The following PLCB4 variants were observed in gnomAD, a reference collection of about 807,000 sequenced individuals.
PLCB4 encodes the protein phospholipase C beta 4, also known as 1-phosphatidylinositol 4,5-bisphosphate phosphodiesterase beta-4.
In PLCB4, 77 loss-of-function variants were observed where a neutral mutation model predicts 178.8. The ratio of observed to expected loss-of-function variants is 0.43; its 90% CI spans 0.36 to 0.52. The LOEUF is 0.52. PLCB4 is among the 20% of genes least tolerant of loss of function. The pLI is 0.00. For missense variants in PLCB4, 1,024 were observed against 1,453.4 expected (o/e 0.70, Z 4.80); for synonymous variants, 496 against 490.8 (o/e 1.01, Z -0.14).
intron 3 of PLCB4, among the ~76,000 whole-genome samples, chr20:9,268,970 G>T (rs777085494): frequency 2.6e-5 from 4 of 152,184 alleles, no homozygotes; most frequent in Non-Finnish European, 5.9e-5. Flanking sequence ...GGCACTGCTT[G>T]TTTTAGCCAT....
chr20:9,353,495 A>G (rs1194633556), intron 7 of PLCB4, among the ~76,000 whole-genome samples: 3 of 152,186 alleles, frequency 2.0e-5, no homozygotes, highest in African/African-American at 7.2e-5. Context: ...TTACTTCTTA[A>G]CATGATTTAG....
intron 27 of PLCB4, 61 bp from the exon 28 acceptor site, chr20:9,423,687 A>T: frequency 7.7e-7 from 1 of 1,300,654 alleles, no homozygotes; most frequent in Non-Finnish European, 1.1e-6. Flanking sequence ...CACACTCCTT[A>T]GAGTCATGGT....
Position 9,480,411 on chromosome 20 carries a change from A to G in PLCB4, c.*1402A>G, listed in dbSNP as rs1171480254. ...TGTTCCTCTGAACAAAGCGGAGAAA[A>G]TGATGATACCATCAATATTGAAATT... On this transcript the variant is annotated 3_prime_UTR_variant, in exon 40 of 40. Transcript: ENST00000378473. 3 of 152,626 alleles carry G rather than the reference A, an allele frequency of 2.0e-5. No individual in the cohort carries two copies. In the South Asian group the frequency reaches 6.2e-4, roughly 32 times the overall value. The allele number at this position is 152,626 out of a possible 1,614,324, so 9.5% of individuals were successfully genotyped here. A position where few individuals can be genotyped will look rare whatever the true frequency, so the allele number is the denominator to read the frequency against.
chr20:9,196,515 T>C (rs940493895), intron 2 of PLCB4, among the ~76,000 whole-genome samples: 1 of 152,138 alleles, frequency 6.6e-6, no homozygotes, highest in Non-Finnish European at 1.5e-5. Flanking sequence ...CCTAGAGGAA[T>C]AAAGTAGGAA....
At chr20:9,276,907 AGCCTG>A (rs1262350652) in intron 3 of PLCB4, among the ~76,000 whole-genome samples, 1 of 152,072 alleles carries the variant, frequency 6.6e-6, no homozygotes, top group Admixed American at 6.6e-5. Context: ...CCTGCACTCC[AGCCTG>A]GGTGACAGAG....
At chr20:9,204,019 TA>T (rs1391340192) in intron 2 of PLCB4, among the ~76,000 whole-genome samples, 2 of 151,916 alleles carry the variant, frequency 1.3e-5, no homozygotes, top group African/African-American at 4.8e-5. Context: ...TGACTGCCTT[TA>T]GAGGAAAATT....
intron 2 of PLCB4, among the ~76,000 whole-genome samples, chr20:9,141,117 A>G (rs2092481522): frequency 6.6e-6 from 1 of 152,124 alleles, no homozygotes; most frequent in South Asian, 2.1e-4. Flanking sequence ...TGCCTGATTA[A>G]AAGCCAACTT....
intron 1 of PLCB4, among the ~76,000 whole-genome samples, chr20:9,088,029 G>A (rs1436573314): frequency 6.6e-6 from 1 of 152,054 alleles, no homozygotes; most frequent in East Asian, 1.9e-4. Flanking sequence ...CTTCTACTGG[G>A]GCTCTGTTGC....
chr20:9,276,382 G>T (rs944433012), intron 3 of PLCB4, among the ~76,000 whole-genome samples: 3 of 152,038 alleles, frequency 2.0e-5, no homozygotes, highest in Admixed American at 2.0e-4. Context: ...CATGGGCCAG[G>T]ACTCAGGTGT....
chr20:9,470,181 A>T (rs1468265047), intron 36 of PLCB4, among the ~76,000 whole-genome samples: 3 of 152,084 alleles, frequency 2.0e-5, no homozygotes, highest in Admixed American at 6.6e-5. Flanking sequence ...ATACAAAAAA[A>T]TTAGCTGGGT....
At chr20:9,288,585 C>T (rs576444411) in intron 3 of PLCB4, among the ~76,000 whole-genome samples, 3 of 151,828 alleles carry the variant, frequency 2.0e-5, no homozygotes, top group Non-Finnish European at 2.9e-5. Context: ...CTGCTGAAAA[C>T]GAGGGAGTGG....
chr20:9,274,953 A>G (rs905775124), intron 3 of PLCB4, among the ~76,000 whole-genome samples: 3 of 152,100 alleles, frequency 2.0e-5, no homozygotes, highest in African/African-American at 7.2e-5. Flanking sequence ...CATGCTTAAG[A>G]TACTTGAAAA....
intron 2 of PLCB4, among the ~76,000 whole-genome samples, chr20:9,098,163 T>C (rs2090991688): frequency 6.6e-6 from 1 of 152,148 alleles, no homozygotes; most frequent in Non-Finnish European, 1.5e-5. Flanking sequence ...TCAAAGACGA[T>C]ATAGAGAAAC....
intron 1 of PLCB4, among the ~76,000 whole-genome samples, chr20:9,091,467 G>T (rs571781783): frequency 7.2e-5 from 11 of 151,892 alleles, no homozygotes; most frequent in Non-Finnish European, 1.5e-4. Flanking sequence ...TTTTCATAAA[G>T]ACAAAAGTGA....
intron 7 of PLCB4, among the ~76,000 whole-genome samples, 172 bp downstream of exon 7, chr20:9,339,209 A>G (rs149803784): frequency 9.8e-4 from 150 of 152,294 alleles, no homozygotes; most frequent in Non-Finnish European, 1.9e-3. Context: ...CCCTTTTAGC[A>G]TGTCACTCCT....
intron 19 of PLCB4, among the ~76,000 whole-genome samples, chr20:9,397,339 C>T (rs933830402): frequency 3.9e-5 from 6 of 152,168 alleles, no homozygotes; most frequent in African/African-American, 1.4e-4. Context: ...CTCTTTCTAC[C>T]ACCTCTGCAG....
intron 3 of PLCB4, among the ~76,000 whole-genome samples, chr20:9,286,453 A>G (rs1385488788): frequency 6.6e-6 from 1 of 152,020 alleles, no homozygotes; most frequent in Non-Finnish European, 1.5e-5. Flanking sequence ...TTTTACTTCA[A>G]TGTTTACATC....
At chr20:9,408,752 C>T (rs1326950418) in intron 23 of PLCB4, 35 bp downstream of exon 23, 3 of 1,149,846 alleles carry the variant, frequency 2.6e-6, no homozygotes, top group South Asian at 1.2e-5. Flanking sequence ...GAGTGGTTGA[C>T]TCACGTTGGT....
chr20:9,456,882 C>A (rs2043091085), intron 33 of PLCB4, among the ~76,000 whole-genome samples: 1 of 152,158 alleles, frequency 6.6e-6, no homozygotes, highest in Admixed American at 6.5e-5. Flanking sequence ...GACATAATCA[C>A]TGAAATAAGC....
Sources: gnomAD v4.1 joint callset for allele counts (sites outside exome capture counted in the v4.1 genomes callset) on GRCh38, gnomAD v4.1.1 for gene constraint, MANE v1.5 for transcripts, NCBI Gene and HGNC (gene_info 2026-07-23, HGNC 2026-07-21) for gene names.